The following NPAS3 variants were observed in gnomAD, a reference collection of about 807,000 sequenced individuals.
NPAS3 encodes neuronal PAS domain protein 3.
In NPAS3, 14 loss-of-function variants were observed where a neutral mutation model predicts 73.1. That is an observed-to-expected ratio of 0.19 (90% CI 0.13 to 0.30). NPAS3 has a LOEUF of 0.30. Among genes scored for constraint, NPAS3 ranks in the 10% least tolerant of loss-of-function variants. The pLI, the probability that NPAS3 is intolerant of heterozygous loss-of-function variation, is 1.00. For missense variants in NPAS3, 1,096 were observed against 1,250.0 expected, an observed-to-expected ratio of 0.88 and a Z score of 1.86; for synonymous variants, 620 against 541.5, an observed-to-expected ratio of 1.14 and a Z score of -2.01.
At chr14:33,031,525 C>T (rs550827327) in intron 1 of NPAS3, among the ~76,000 whole-genome samples, 16 of 152,266 alleles carry the variant, frequency 1.1e-4, no homozygotes, top group African/African-American at 3.6e-4. Flanking sequence ...CAGGGTTTCA[C>T]TATATTACCC....
chr14:33,298,763 C>T (rs2042408275), intron 3 of NPAS3, among the ~76,000 whole-genome samples: 2 of 152,134 alleles, frequency 1.3e-5, no homozygotes, highest in Non-Finnish European at 2.9e-5. Flanking sequence ...ACATTCTTTT[C>T]CACGTAAATA....
At chr14:33,289,785 G>A (rs760891315) in intron 3 of NPAS3, among the ~76,000 whole-genome samples, 2 of 150,342 alleles carry the variant, frequency 1.3e-5, no homozygotes, top group South Asian at 2.1e-4. Context: ...TTGCACCACT[G>A]CACTCTAGAC....
intron 1 of NPAS3, among the ~76,000 whole-genome samples, chr14:33,041,600 G>A (rs985608518): frequency 8.5e-5 from 13 of 152,258 alleles, no homozygotes; most frequent in South Asian, 2.1e-4. Flanking sequence ...TACTGTTACC[G>A]AAACACTAGG....
At chr14:32,938,256 C>T (rs1347963908), upstream of NPAS3, among the ~76,000 whole-genome samples, 1 of 152,050 alleles carries the variant, frequency 6.6e-6, no homozygotes, top group Non-Finnish European at 1.5e-5. Context: ...CAGCGCACCC[C>T]CCATCCGTAT....
intron 9 of NPAS3, among the ~76,000 whole-genome samples, chr14:33,790,549 AC>A (rs959545090): frequency 2.0e-5 from 3 of 148,852 alleles, no homozygotes; most frequent in Admixed American, 6.7e-5. Context: ...TGCCAGTATG[AC>A]TTTTTTTTTT....
intron 3 of NPAS3, among the ~76,000 whole-genome samples, chr14:33,283,912 C>A (rs962356089): frequency 2.6e-5 from 4 of 152,136 alleles, no homozygotes; most frequent in East Asian, 1.9e-4. Flanking sequence ...ATCCCGTAAA[C>A]CCTGTGAGGA....
intron 5 of NPAS3, among the ~76,000 whole-genome samples, chr14:33,627,859 A>G (rs1301936391): frequency 6.6e-6 from 1 of 152,222 alleles, no homozygotes; most frequent in Admixed American, 6.5e-5. Context: ...GCCACTTAAG[A>G]GTTTTCCTTG....
At chr14:33,047,216 T>C (rs907363952) in intron 1 of NPAS3, among the ~76,000 whole-genome samples, 1 of 152,218 alleles carries the variant, frequency 6.6e-6, no homozygotes, top group African/African-American at 2.4e-5. Context: ...ATTGATACTT[T>C]AATAGTATTA....
intron 4 of NPAS3, among the ~76,000 whole-genome samples, chr14:33,436,423 A>G (rs946812428): frequency 7.9e-5 from 12 of 152,178 alleles, no homozygotes; most frequent in African/African-American, 2.7e-4. Flanking sequence ...TTTTGGACAT[A>G]TTAACTGCTT....
chr14:33,370,425 T>G (rs1200790568), intron 4 of NPAS3, among the ~76,000 whole-genome samples: 1 of 152,130 alleles, frequency 6.6e-6, no homozygotes, highest in Non-Finnish European at 1.5e-5. Context: ...ACTTGGGGAC[T>G]GTTTAGATGT....
At chr14:33,608,585 A>G (rs1018974462) in intron 5 of NPAS3, 4 of 152,222 alleles carry the variant, frequency 2.6e-5, no homozygotes, top group Non-Finnish European at 4.4e-5. Flanking sequence ...ATTCAGAACT[A>G]CAGCACAATT....
chr14:33,631,831 G>T (rs561890129), intron 5 of NPAS3, among the ~76,000 whole-genome samples: 2 of 152,124 alleles, frequency 1.3e-5, no homozygotes, highest in Non-Finnish European at 2.9e-5. Context: ...TTTGATGGTC[G>T]TGGCAACAAG....
intron 3 of NPAS3, among the ~76,000 whole-genome samples, chr14:33,268,688 T>C (rs2040932634): frequency 6.6e-6 from 1 of 152,196 alleles, no homozygotes; most frequent in Non-Finnish European, 1.5e-5. Context: ...TGACGTAGCC[T>C]CTACCTAAGT....
chr14:33,046,677 T>A (rs763162938), intron 1 of NPAS3, among the ~76,000 whole-genome samples: 17 of 152,094 alleles, frequency 1.1e-4, no homozygotes, highest in Non-Finnish European at 2.1e-4. Flanking sequence ...CAGCAGGGTA[T>A]ATAAGAACCA....
intron 1 of NPAS3, among the ~76,000 whole-genome samples, chr14:32,954,073 A>G (rs2036585564): frequency 6.6e-6 from 1 of 152,212 alleles, no homozygotes; most frequent in African/African-American, 2.4e-5. Flanking sequence ...ATAGTCCTGT[A>G]GTTGAGAGCT....
At chr14:33,341,944 G>A (rs1158575498) in intron 3 of NPAS3, among the ~76,000 whole-genome samples, 1 of 152,072 alleles carries the variant, frequency 6.6e-6, no homozygotes, top group Non-Finnish European at 1.5e-5. Flanking sequence ...TAAAATTTCA[G>A]TCGTCGTTTC....
intron 2 of NPAS3, among the ~76,000 whole-genome samples, chr14:33,123,597 G>GAT (rs2043313444): frequency 6.6e-6 from 1 of 152,084 alleles, no homozygotes. Flanking sequence ...CTCTGTAGCA[G>GAT]ATAGTCGGGA....
At chr14:33,271,010 A>T (rs1731838861) in intron 3 of NPAS3, among the ~76,000 whole-genome samples, 1 of 152,230 alleles carries the variant, frequency 6.6e-6, no homozygotes, top group Admixed American at 6.5e-5. Flanking sequence ...AATTTATTTG[A>T]TCATAATTTT....
At chr14:33,559,911 C>T (rs192069449) in intron 4 of NPAS3, among the ~76,000 whole-genome samples, 3 of 150,964 alleles carry the variant, frequency 2.0e-5, no homozygotes, top group African/African-American at 7.3e-5. Context: ...CCCAGCTACT[C>T]GGGAGGCTAA....
Sources: allele counts gnomAD v4.1 joint callset (sites outside exome capture counted in the v4.1 genomes callset), GRCh38; gene constraint gnomAD v4.1.1; transcripts MANE v1.5; gene names NCBI Gene and HGNC (gene_info 2026-07-23, HGNC 2026-07-21).